Variants in AGBL4 observed in about 807,000 individuals in gnomAD.
AGBL4 encodes the protein AGBL carboxypeptidase 4, also known as cytosolic carboxypeptidase 6.
AGBL4 carries 58 observed loss-of-function variants against 66.4 expected under a neutral mutation model. That is an observed-to-expected ratio of 0.87 (90% CI 0.71 to 1.09). The LOEUF (loss-of-function observed/expected upper bound fraction) is 1.09, where lower values mean the gene tolerates loss of function less well. AGBL4 is among the 50% of genes least tolerant of loss of function. The pLI is 0.00. For missense variants in AGBL4, 579 were observed against 631.0 expected, an observed-to-expected ratio of 0.92 and a Z score of 0.88; for synonymous variants, 234 against 222.9, an observed-to-expected ratio of 1.05 and a Z score of -0.44.
At chr1:49,081,869 C>G (rs1168539682) in intron 4 of AGBL4, among the ~76,000 whole-genome samples, 2 of 152,306 alleles carry the variant, frequency 1.3e-5, no homozygotes, top group East Asian at 1.9e-4. Flanking sequence ...TTGAAAATGT[C>G]AATCCATGAA....
intron 3 of AGBL4, among the ~76,000 whole-genome samples, chr1:49,609,414 T>C (rs1377850236): frequency 5.9e-5 from 9 of 152,218 alleles, no homozygotes; most frequent in African/African-American, 1.2e-4. Context: ...GAAAAAAAGA[T>C]AGAGATGGCT....
chr1:49,355,149 T>G (rs1473113633), intron 3 of AGBL4, among the ~76,000 whole-genome samples: 3 of 152,204 alleles, frequency 2.0e-5, no homozygotes, highest in African/African-American at 7.2e-5. Context: ...GTCGACTTTT[T>G]AATAAAAACA....
chr1:48,790,734 A>G (rs1359659865), intron 6 of AGBL4, among the ~76,000 whole-genome samples: 1 of 152,136 alleles, frequency 6.6e-6, no homozygotes, highest in African/African-American at 2.4e-5. Flanking sequence ...GCCCTCATGA[A>G]TGAATTAATA....
intron 3 of AGBL4, among the ~76,000 whole-genome samples, chr1:49,445,352 A>T (rs1370209789): frequency 6.6e-6 from 1 of 152,022 alleles, no homozygotes; most frequent in African/African-American, 2.4e-5. Flanking sequence ...CTGCCTGGGG[A>T]TCCCTAAATC....
chr1:48,950,738 T>C (rs1412159589), intron 5 of AGBL4, among the ~76,000 whole-genome samples: 2 of 152,162 alleles, frequency 1.3e-5, no homozygotes, highest in East Asian at 1.9e-4. Flanking sequence ...TCTGGTCTCC[T>C]GGCCAGGCCA....
rs763236481 is a variant in AGBL4 at position 48,867,180 on chromosome 1, C to T, written c.634+11G>A. 9 of 1,613,154 alleles carry T rather than the reference C, an allele frequency of 5.6e-6. No homozygotes were observed. The highest frequency in any genetic ancestry group is 2.7e-5 in the African/African-American group (2 of 74,892). Reference sequence around the variant, plus strand: ...GGGAAAAGCAAAGGCAGAAGGGCCACGCCTACTCACCAGGGCTGGTTATCG... The same window carrying T: ...GGGAAAAGCAAAGGCAGAAGGGCCATGCCTACTCACCAGGGCTGGTTATCG... On this transcript the variant is annotated intron_variant, in intron 6 of 13. Transcript: ENST00000371839.
chr1:48,843,291 C>A (rs1001901238), intron 6 of AGBL4, among the ~76,000 whole-genome samples: 6 of 152,032 alleles, frequency 3.9e-5, no homozygotes, highest in Non-Finnish European at 7.4e-5. Context: ...GTGTGACTTA[C>A]GATTTCTGAA....
chr1:48,742,891 A>G (rs980639740), intron 6 of AGBL4: 1 of 969,166 alleles, frequency 1.0e-6, no homozygotes, highest in East Asian at 2.8e-5. Flanking sequence ...ATTTTTGTCC[A>G]TTGAACTACA....
intron 1 of AGBL4, among the ~76,000 whole-genome samples, chr1:49,940,582 T>G (rs1239754546): frequency 6.6e-6 from 1 of 152,116 alleles, no homozygotes; most frequent in Non-Finnish European, 1.5e-5. Context: ...ATCATCATTC[T>G]CAGTAAACTA....
intron 5 of AGBL4, among the ~76,000 whole-genome samples, chr1:48,890,383 G>A (rs933346124): frequency 1.3e-5 from 2 of 152,176 alleles, no homozygotes; most frequent in Non-Finnish European, 2.9e-5. Flanking sequence ...GGATTGTGGT[G>A]AGGATTAAAT....
At chr1:49,250,066 C>T (rs1651926969) in intron 3 of AGBL4, among the ~76,000 whole-genome samples, 1 of 151,728 alleles carries the variant, frequency 6.6e-6, no homozygotes, top group Admixed American at 6.6e-5. Flanking sequence ...TTACCAGAGG[C>T]CAGTAAGGAA....
At chr1:48,559,071 T>C (rs1403471843) in intron 11 of AGBL4, among the ~76,000 whole-genome samples, 1 of 152,204 alleles carries the variant, frequency 6.6e-6, no homozygotes, top group Non-Finnish European at 1.5e-5. Context: ...TCATAGAATA[T>C]TGATTTTGGT....
At chr1:49,768,716 A>G (rs1643965286) in intron 2 of AGBL4, among the ~76,000 whole-genome samples, 1 of 152,032 alleles carries the variant, frequency 6.6e-6, no homozygotes, top group South Asian at 2.1e-4. Flanking sequence ...ATTCAAATAG[A>G]AAAAAAAGTC....
chr1:48,759,264 C>A lies in AGBL4; in HGVS notation c.635-96023G>T, dbSNP rs749096188. ...CGATGCTCTTGTGCGCCACTTCGCT[C>A]GGCTTCCGCCCCTCAGGTCTCTGTG... On this transcript the variant is annotated intron_variant, in intron 6 of 13. Coordinates refer to ENST00000371839, the MANE Select transcript of AGBL4 (RefSeq NM_032785.4). 6 of 1,561,454 alleles carry A rather than the reference C, an allele frequency of 3.8e-6. No individual in the cohort carries two copies. In the African/African-American group the frequency reaches 4.1e-5, roughly 11 times the overall value.
chr1:49,704,238 T>C (rs145034573), intron 2 of AGBL4, among the ~76,000 whole-genome samples: 1 of 152,200 alleles, frequency 6.6e-6, no homozygotes, highest in African/African-American at 2.4e-5. Context: ...AAAACTGTTA[T>C]AAATTTAGTA....
intron 5 of AGBL4, among the ~76,000 whole-genome samples, chr1:48,935,946 G>A (rs981903219): frequency 1.7e-4 from 17 of 102,848 alleles, no homozygotes; most frequent in Middle Eastern, 0.011. Flanking sequence ...GTGACAGAGC[G>A]AGACTCTGTC....
chr1:49,761,054 G>T (rs914879822), intron 2 of AGBL4, among the ~76,000 whole-genome samples: 1 of 151,878 alleles, frequency 6.6e-6, no homozygotes, highest in Non-Finnish European at 1.5e-5. Flanking sequence ...CTTAGAGGAT[G>T]GGTCAATAGG....
intron 2 of AGBL4, among the ~76,000 whole-genome samples, chr1:49,843,293 A>ATT (rs1022512111): frequency 2.2e-4 from 24 of 108,210 alleles, no homozygotes; most frequent in Admixed American, 1.4e-3. Flanking sequence ...TGCCTAGCTA[A>ATT]TTTTGTGTGT....
intron 2 of AGBL4, chr1:49,844,705 C>T: frequency 6.2e-7 from 1 of 1,602,446 alleles, no homozygotes; most frequent in South Asian, 1.1e-5. Context: ...GGAAACTAGA[C>T]CCAAAGTCAA....
Sources: gnomAD v4.1 joint callset for allele counts (sites outside exome capture counted in the v4.1 genomes callset) on GRCh38, gnomAD v4.1.1 for gene constraint, MANE v1.5 for transcripts, NCBI Gene and HGNC (gene_info 2026-07-23, HGNC 2026-07-21) for gene names.